ADARB2: variants seen among roughly 807,000 people sequenced by gnomAD.
The protein encoded by ADARB2 is adenosine deaminase RNA specific B2 (inactive).
A neutral mutation model predicts 62.2 loss-of-function variants in ADARB2; 25 were observed. The observed-to-expected ratio is 0.40, with a 90% CI of 0.29 to 0.56. The LOEUF is 0.56. Ranked by LOEUF, ADARB2 falls within the 20% of genes least tolerant of loss-of-function variation. The pLI, the probability that ADARB2 is intolerant of heterozygous loss-of-function variation, is 0.43. For synonymous variants in ADARB2, 572 were observed against 500.8 expected (o/e 1.14, Z -1.90); for missense variants, 1,071 against 1,077.4 (o/e 0.99, Z 0.08).
chr10:1,473,350 G>T (rs1337883200), intron 1 of ADARB2, among the ~76,000 whole-genome samples: 1 of 152,144 alleles, frequency 6.6e-6, no homozygotes, highest in Non-Finnish European at 1.5e-5. Context: ...CTGCTGGGAT[G>T]ATTGGATATA....
At chr10:1,320,496 C>G (rs1831785449) in intron 3 of ADARB2, among the ~76,000 whole-genome samples, 1 of 152,200 alleles carries the variant, frequency 6.6e-6, no homozygotes, top group Non-Finnish European at 1.5e-5. Flanking sequence ...AGGGTATCTC[C>G]TTGGTGAAGG....
intron 1 of ADARB2, among the ~76,000 whole-genome samples, chr10:1,548,156 C>T (rs557351271): frequency 5.9e-5 from 9 of 152,240 alleles, no homozygotes; most frequent in African/African-American, 2.2e-4. Context: ...CCCAGCTGAA[C>T]CTTGGACCCG....
intron 8 of ADARB2, among the ~76,000 whole-genome samples, chr10:1,196,754 T>G (rs981428643): frequency 6.6e-6 from 1 of 152,162 alleles, no homozygotes. Context: ...GATATTAGGA[T>G]TTCTTTTCTT....
At chr10:1,642,395 T>G (rs1833988755) in intron 1 of ADARB2, among the ~76,000 whole-genome samples, 1 of 152,190 alleles carries the variant, frequency 6.6e-6, no homozygotes, top group Non-Finnish European at 1.5e-5. Context: ...CCTATCTTCC[T>G]GGGATGAGTT....
At chr10:1,275,684 T>TG (rs1244468417) in intron 3 of ADARB2, among the ~76,000 whole-genome samples, 3 of 115,040 alleles carry the variant, frequency 2.6e-5, no homozygotes, top group Non-Finnish European at 5.0e-5. Flanking sequence ...CAGGCCCCGG[T>TG]TGTGATGTTC....
intron 1 of ADARB2, among the ~76,000 whole-genome samples, chr10:1,668,704 C>A (rs1447356502): frequency 1.3e-5 from 2 of 152,172 alleles, no homozygotes; most frequent in East Asian, 1.9e-4. Context: ...TTATGAGAAC[C>A]AATTTTCATA....
chr10:1,517,158 G>A (rs368535515), intron 1 of ADARB2, among the ~76,000 whole-genome samples: 3 of 152,214 alleles, frequency 2.0e-5, no homozygotes, highest in African/African-American at 4.8e-5. Flanking sequence ...TCACCCAGAC[G>A]TGGCCCCTGA....
At chr10:1,406,782 C>G (rs1433324801) in intron 1 of ADARB2, among the ~76,000 whole-genome samples, 1 of 152,210 alleles carries the variant, frequency 6.6e-6, no homozygotes, top group Non-Finnish European at 1.5e-5. Context: ...CCATTGTCAA[C>G]CCCCTGGCCC....
chr10:1,485,348 A>G (rs1268613281), intron 1 of ADARB2, among the ~76,000 whole-genome samples: 1 of 152,132 alleles, frequency 6.6e-6, no homozygotes, highest in African/African-American at 2.4e-5. Context: ...GTACATATAC[A>G]GATGTGTAGG....
intron 1 of ADARB2, among the ~76,000 whole-genome samples, chr10:1,673,607 C>T (rs1448827949): frequency 6.6e-6 from 1 of 152,210 alleles, no homozygotes; most frequent in Non-Finnish European, 1.5e-5. Context: ...AGGAAAGACA[C>T]ATGGCAGGAT....
intron 1 of ADARB2, among the ~76,000 whole-genome samples, chr10:1,642,043 T>C (rs1340166597): frequency 6.6e-6 from 1 of 152,216 alleles, no homozygotes; most frequent in Non-Finnish European, 1.5e-5. Context: ...ATAACTAATT[T>C]ACATTTTACC....
In ADARB2 at chr10:1,383,936, G is replaced by A. The variant is rs536715856; in HGVS notation, c.101-4776C>T. On this transcript the variant is annotated intron_variant, in intron 1 of 9. Transcript: ENST00000381312. Reference sequence around the variant, plus strand: ...ATTTTTCTTCCTTGCCTTTGCCTTTGTTAAATTTTATTGAACCTTCTATGT... The same window carrying A: ...ATTTTTCTTCCTTGCCTTTGCCTTTATTAAATTTTATTGAACCTTCTATGT... 1.7e-3 allele frequency among the ~76,000 whole-genome samples: 253 copies of A among 152,230 alleles called. 1 individual carries two copies. The highest frequency in any genetic ancestry group is 5.9e-3 in the African/African-American group (246 of 41,538).
intron 5 of ADARB2, 133 bp from the exon 6 acceptor site, chr10:1,233,978 C>CT (rs1589160330): frequency 1.4e-4 from 63 of 439,830 alleles, no homozygotes; most frequent in Non-Finnish European, 1.7e-4. Context: ...TTTTTTTTTC[C>CT]TTTTTTTTTT....
intron 1 of ADARB2, among the ~76,000 whole-genome samples, chr10:1,711,138 G>A (rs1204919894): frequency 1.3e-5 from 2 of 152,174 alleles, no homozygotes; most frequent in South Asian, 4.1e-4. Flanking sequence ...CATCATCTGG[G>A]ATGCCAGGCA....
chr10:1,558,843 C>T (rs1261791625), intron 1 of ADARB2, among the ~76,000 whole-genome samples: 2 of 124,170 alleles, frequency 1.6e-5, no homozygotes, highest in Non-Finnish European at 3.6e-5. Context: ...CTCAGCTTGC[C>T]TTATTTTTCT....
At chr10:1,589,656 TG>T (rs1833226231) in intron 1 of ADARB2, among the ~76,000 whole-genome samples, 1 of 152,124 alleles carries the variant, frequency 6.6e-6, no homozygotes, top group South Asian at 2.1e-4. Flanking sequence ...CCCCATCCCA[TG>T]TTTCAGGAGG....
At chr10:1,544,287 G>T (rs1160460969) in intron 1 of ADARB2, among the ~76,000 whole-genome samples, 1 of 152,208 alleles carries the variant, frequency 6.6e-6, no homozygotes, top group Non-Finnish European at 1.5e-5. Context: ...AGTGGCCACA[G>T]CCCCTCCCGT....
chr10:1,294,706 C>T (rs1001210935), intron 3 of ADARB2, among the ~76,000 whole-genome samples: 3 of 152,122 alleles, frequency 2.0e-5, no homozygotes, highest in African/African-American at 7.2e-5. Flanking sequence ...CTCATTATTA[C>T]ACCTGTGATG....
chr10:1,226,804 G>T (rs1174315971), intron 6 of ADARB2, among the ~76,000 whole-genome samples: 1 of 152,222 alleles, frequency 6.6e-6, no homozygotes, highest in Non-Finnish European at 1.5e-5. Flanking sequence ...GCTGTGTGAG[G>T]TGTCAGTCTG....
Sources: gnomAD v4.1 joint callset for allele counts (sites outside exome capture counted in the v4.1 genomes callset) on GRCh38, gnomAD v4.1.1 for gene constraint, MANE v1.5 for transcripts, NCBI Gene and HGNC (gene_info 2026-07-23, HGNC 2026-07-21) for gene names.